The following ERICH1 variants were observed in gnomAD, a reference collection of about 807,000 sequenced individuals.
ERICH1 encodes the protein glutamate rich 1.
In ERICH1, 56 loss-of-function variants were observed where a neutral mutation model predicts 39.6. The ratio of observed to expected loss-of-function variants is 1.41; its 90% CI spans 1.14 to 1.77. The LOEUF (loss-of-function observed/expected upper bound fraction) is 1.77. ERICH1 is among the 40% of genes most tolerant of loss of function. The pLI, the probability that ERICH1 is intolerant of heterozygous loss-of-function variation, is 0.00. For missense variants in ERICH1, 826 were observed against 575.4 expected (o/e 1.44, Z -4.45); for synonymous variants, 313 against 223.6 (o/e 1.40, Z -3.57).
chr8:727,951 C>T (rs1397489976), intron 1 of ERICH1, among the ~76,000 whole-genome samples: 4 of 152,184 alleles, frequency 2.6e-5, no homozygotes, highest in South Asian at 4.1e-4. Context: ...CAGCAGCAGG[C>T]GGTGAGGACA....
At chr8:698,223 C>T (rs145618050) in intron 2 of ERICH1, among the ~76,000 whole-genome samples, 1,015 of 85,916 alleles carry the variant, frequency 0.012, 46 homozygotes, top group Middle Eastern at 0.025. Context: ...TATTCCTTTT[C>T]TTTTTTTTTT....
At chr8:629,909 C>G (rs1347200551) in intron 3 of ERICH1, among the ~76,000 whole-genome samples, 69 of 138,178 alleles carry the variant, frequency 5.0e-4, no homozygotes, top group South Asian at 1.2e-3. Context: ...ACAGACAGAG[C>G]TGACTCACAC....
intron 2 of ERICH1, among the ~76,000 whole-genome samples, chr8:694,202 C>T (rs756784187): frequency 2.0e-5 from 3 of 152,138 alleles, no homozygotes; most frequent in Admixed American, 6.5e-5. Context: ...TTTGCTCTCT[C>T]GAGGGTAGGG....
intron 5 of ERICH1, 71 bp downstream of exon 5, chr8:668,527 T>TA: frequency 6.4e-7 from 1 of 1,552,722 alleles, no homozygotes; most frequent in Non-Finnish European, 8.9e-7. Flanking sequence ...TGGTGGCGTG[T>TA]AAGTCTTTCA....
At chr8:616,811 G>A (rs1394845896) in intron 3 of ERICH1, among the ~76,000 whole-genome samples, 1 of 57,758 alleles carries the variant, frequency 1.7e-5, no homozygotes, top group African/African-American at 9.4e-5. Flanking sequence ...GAGGGGGGAG[G>A]AAGAGACGGG....
chr8:619,251 C>T (rs1044599775), intron 3 of ERICH1, among the ~76,000 whole-genome samples: 8 of 152,152 alleles, frequency 5.3e-5, no homozygotes, highest in African/African-American at 1.2e-4. Flanking sequence ...AGAAAGGGCA[C>T]GTGACCCATC....
intron 3 of ERICH1, chr8:627,254 A>G (rs1192648134): frequency 6.6e-6 from 3 of 456,028 alleles, no homozygotes; most frequent in Non-Finnish European, 1.3e-5. Flanking sequence ...AGTTGGAGAT[A>G]AGAACACTTA....
downstream of ERICH1, among the ~76,000 whole-genome samples, chr8:661,776 C>T (rs756903182): frequency 6.6e-6 from 1 of 152,226 alleles, no homozygotes; most frequent in Non-Finnish European, 1.5e-5. Flanking sequence ...CCCACCTGCT[C>T]GACTGTACCT....
chr8:697,383 G>C (rs1261884162), intron 2 of ERICH1, among the ~76,000 whole-genome samples: 1 of 152,152 alleles, frequency 6.6e-6, no homozygotes, highest in Non-Finnish European at 1.5e-5. Flanking sequence ...GAATCGGCAG[G>C]AAAAAGTGCT....
intron 3 of ERICH1, among the ~76,000 whole-genome samples, chr8:634,778 T>C (rs1362707633): frequency 6.6e-6 from 1 of 152,152 alleles, no homozygotes; most frequent in Non-Finnish European, 1.5e-5. Flanking sequence ...CCTCTGCACT[T>C]CCAAACCCCG....
chr8:703,208 G>A (rs1026681109), intron 2 of ERICH1, among the ~76,000 whole-genome samples: 1 of 152,196 alleles, frequency 6.6e-6, no homozygotes, highest in Non-Finnish European at 1.5e-5. Context: ...CATCCTATCT[G>A]TTAATGGCAC....
At chr8:660,830 C>T (rs7838827), downstream of ERICH1, among the ~76,000 whole-genome samples, 2,475 of 152,194 alleles carry the variant, frequency 0.016, 68 homozygotes, top group African/African-American at 0.053. Context: ...CTCCCTGTCT[C>T]GTTGCCGGCC....
chr8:716,093 C>T, intron 1 of ERICH1, 86 bp from the exon 2 acceptor site: 1 of 1,464,114 alleles, frequency 6.8e-7, no homozygotes, highest in Non-Finnish European at 9.1e-7. Context: ...TTACTCTACA[C>T]AAACACACAC....
At chr8:690,039 C>T (rs1259208158) in intron 3 of ERICH1, among the ~76,000 whole-genome samples, 1 of 152,218 alleles carries the variant, frequency 6.6e-6, no homozygotes. Context: ...CTGTCACTAA[C>T]AGGCCAGAGG....
chr8:664,772 T>C (rs763933463), intron 5 of ERICH1, 96 bp from the exon 6 acceptor site: 1 of 950,556 alleles, frequency 1.1e-6, no homozygotes, highest in East Asian at 2.5e-5. Flanking sequence ...GGGCCCAAAG[T>C]GAACTCCCAA....
chr8:672,846 C>T (rs762782536), intron 4 of ERICH1, among the ~76,000 whole-genome samples: 8 of 152,364 alleles, frequency 5.3e-5, no homozygotes, highest in South Asian at 2.1e-4. Flanking sequence ...GTCCTAAAGG[C>T]GCAAGCTGTG....
intron 3 of ERICH1, chr8:627,244 A>G: frequency 2.2e-6 from 1 of 456,224 alleles, no homozygotes. Flanking sequence ...CCCACCTGGA[A>G]GTTGGAGATA....
intron 3 of ERICH1, among the ~76,000 whole-genome samples, chr8:623,172 T>G (rs907279290): frequency 6.6e-5 from 10 of 152,034 alleles, no homozygotes; most frequent in Non-Finnish European, 1.0e-4. Context: ...GCAAACAACT[T>G]AAAACAATGC....
At chr8:640,865 A>C (rs1206325028) in intron 3 of ERICH1, 2 of 152,230 alleles carry the variant, frequency 1.3e-5, no homozygotes, top group Admixed American at 6.5e-5. Context: ...AAAATATTAG[A>C]AATTGTTAAT....
Sources: gnomAD v4.1 joint callset for allele counts (sites outside exome capture counted in the v4.1 genomes callset) on GRCh38, gnomAD v4.1.1 for gene constraint, MANE v1.5 for transcripts, NCBI Gene and HGNC (gene_info 2026-07-23, HGNC 2026-07-21) for gene names.